Variants in DIAPH2 observed in about 807,000 individuals in gnomAD.
DIAPH2 encodes diaphanous related formin 2.
DIAPH2 carries 35 observed loss-of-function variants against 92.7 expected under a neutral mutation model. That is an observed-to-expected ratio of 0.38 (90% confidence interval 0.29 to 0.50). The LOEUF (loss-of-function observed/expected upper bound fraction) is 0.50, where lower values mean the gene tolerates loss of function less well. Among genes scored for constraint, DIAPH2 ranks in the 20% least tolerant of loss-of-function variants. The probability of loss-of-function intolerance (pLI) is 0.94; values close to 1 mark genes in which losing one functional copy is unlikely to be tolerated. For missense variants in DIAPH2, 701 were observed against 819.5 expected (o/e 0.86, Z 1.77); for synonymous variants, 301 against 280.4 (o/e 1.07, Z -0.73).
At chrX:97,382,391 G>C (rs1174449581) in intron 24 of DIAPH2, among the ~76,000 whole-genome samples, 1 of 112,008 alleles carries the variant, frequency 8.9e-6, no homozygotes, top group Admixed American at 9.5e-5. Flanking sequence ...AGGAGTTCGA[G>C]ACCAGCCTAA....
At chrX:96,826,535 C>G (rs2064817262) in intron 4 of DIAPH2, among the ~76,000 whole-genome samples, 1 of 111,025 alleles carries the variant, frequency 9.0e-6, no homozygotes, top group Non-Finnish European at 1.9e-5. Context: ...CTATCAGTTA[C>G]CAATATGTGA....
intron 22 of DIAPH2, among the ~76,000 whole-genome samples, chrX:97,144,187 G>A (rs4827976): frequency 0.37 from 40,956 of 109,824 alleles, 6,678 homozygotes; most frequent in Non-Finnish European, 0.51. Flanking sequence ...ACCCCCATCA[G>A]AAAATTTTAA....
intron 25 of DIAPH2, among the ~76,000 whole-genome samples, chrX:97,417,126 A>G (rs978640837): frequency 8.9e-6 from 1 of 112,478 alleles, no homozygotes; most frequent in African/African-American, 3.2e-5. Flanking sequence ...TCTGGGAGCA[A>G]TGGTGAAGAA....
At chrX:97,243,731 G>A (rs945139331) in intron 22 of DIAPH2, among the ~76,000 whole-genome samples, 5 of 111,127 alleles carry the variant, frequency 4.5e-5, no homozygotes, top group Admixed American at 2.9e-4. Context: ...CCCGAACCAC[G>A]TCTATATATT....
chrX:97,144,401 T>C, intron 22 of DIAPH2, among the ~76,000 whole-genome samples: 1 of 111,074 alleles, frequency 9.0e-6, no homozygotes, highest in Non-Finnish European at 1.9e-5. Context: ...AGGAATGATA[T>C]ATTGCATATT....
chrX:97,184,905 G>C (rs2067567563), intron 22 of DIAPH2, among the ~76,000 whole-genome samples: 1 of 110,278 alleles, frequency 9.1e-6, no homozygotes, highest in Non-Finnish European at 1.9e-5. Flanking sequence ...GCGGCACGTT[G>C]TATAATACCC....
At chrX:97,033,668 T>C (rs1229608112) in intron 17 of DIAPH2, among the ~76,000 whole-genome samples, 2 of 112,117 alleles carry the variant, frequency 1.8e-5, no homozygotes, top group Non-Finnish European at 3.8e-5. Flanking sequence ...GTCACAAGGA[T>C]TGGTAAATTC....
At chrX:97,513,974 G>A (rs2070917279) in intron 26 of DIAPH2, among the ~76,000 whole-genome samples, 1 of 106,058 alleles carries the variant, frequency 9.4e-6, no homozygotes, top group South Asian at 4.1e-4. Flanking sequence ...TGGTGAATCT[G>A]ACAATTATGT....
chrX:97,114,620 C>A, intron 20 of DIAPH2, 106 bp from the exon 21 acceptor site: 2 of 728,304 alleles, frequency 2.7e-6, no homozygotes, highest in East Asian at 3.8e-5. Flanking sequence ...AGCAAACTGA[C>A]TTTATGCAGA....
chrX:97,187,624 A>G (rs2067619055), intron 22 of DIAPH2, among the ~76,000 whole-genome samples: 1 of 110,286 alleles, frequency 9.1e-6, no homozygotes, highest in African/African-American at 3.3e-5. Flanking sequence ...TACCTTAACT[A>G]GTTTGTAGCA....
chrX:97,456,919 AT>A (rs2070411195), intron 26 of DIAPH2, among the ~76,000 whole-genome samples: 2 of 112,186 alleles, frequency 1.8e-5, no homozygotes, highest in Admixed American at 9.4e-5. Context: ...ACCAAATACT[AT>A]TATCATATCT....
At chrX:96,993,923 T>C (rs1455258559) in intron 17 of DIAPH2, among the ~76,000 whole-genome samples, 1 of 111,483 alleles carries the variant, frequency 9.0e-6, no homozygotes, top group African/African-American at 3.3e-5. Flanking sequence ...TATGATAAAG[T>C]GTCACATCAT....
At chrX:97,487,766 A>G (rs1363344617) in intron 26 of DIAPH2, among the ~76,000 whole-genome samples, 1 of 90,400 alleles carries the variant, frequency 1.1e-5, no homozygotes, top group Non-Finnish European at 2.4e-5. Context: ...CATCCTTAAC[A>G]ATGCCTTTTA....
At chrX:97,507,780 G>T (rs1211988475) in intron 26 of DIAPH2, among the ~76,000 whole-genome samples, 1 of 111,461 alleles carries the variant, frequency 9.0e-6, no homozygotes, top group Non-Finnish European at 1.9e-5. Flanking sequence ...TTTTCATAAA[G>T]TCAGGCTATA....
At chrX:96,977,681 G>A (rs1264873683) in intron 17 of DIAPH2, among the ~76,000 whole-genome samples, 2 of 109,444 alleles carry the variant, frequency 1.8e-5, no homozygotes, top group Non-Finnish European at 3.8e-5. Flanking sequence ...AAGTTAATTA[G>A]TTTTTTTTCT....
At chrX:97,380,855 T>C (rs1234769981) in intron 24 of DIAPH2, among the ~76,000 whole-genome samples, 4 of 112,168 alleles carry the variant, frequency 3.6e-5, no homozygotes, top group Non-Finnish European at 7.5e-5. Context: ...TGTTTTCATT[T>C]ACTGTCAATA....
intron 4 of DIAPH2, among the ~76,000 whole-genome samples, chrX:96,870,542 C>T (rs1455897017): frequency 9.1e-6 from 1 of 109,527 alleles, no homozygotes; most frequent in East Asian, 2.9e-4. Flanking sequence ...TCCCAAAGTG[C>T]TGGGATTACA....
chrX:96,861,895 C>T (rs1237428954), intron 4 of DIAPH2, among the ~76,000 whole-genome samples: 1 of 112,149 alleles, frequency 8.9e-6, no homozygotes, highest in East Asian at 2.8e-4. Context: ...TCTCTCTCAT[C>T]ACTGAATCTT....
At position 97,595,285 on chromosome X, in the gene DIAPH2, C is replaced by G. The variant is rs1001989642; in HGVS notation, c.3242-3968C>G. Among the ~76,000 whole-genome samples, 4 of 112,175 alleles carry G rather than the reference C, an allele frequency of 3.6e-5. No homozygotes were observed. In the East Asian group the frequency reaches 1.1e-3, roughly 31 times the overall value. ...ATGATTGCATGAATGAATTCTGAAG[C>G]AATACTATAATGGGTTTAGTCCATT... On this transcript the variant is annotated intron_variant, in intron 26 of 26. Coordinates refer to ENST00000324765, the MANE Select transcript of DIAPH2 (RefSeq NM_006729.5).
Sources: gnomAD v4.1 joint callset for allele counts (sites outside exome capture counted in the v4.1 genomes callset) on GRCh38, gnomAD v4.1.1 for gene constraint, MANE v1.5 for transcripts, NCBI Gene and HGNC (gene_info 2026-07-23, HGNC 2026-07-21) for gene names.